Variants in PIH1D1 observed in about 807,000 individuals in gnomAD.
PIH1D1 encodes the protein PIH1 domain-containing protein 1.
In PIH1D1, 28 loss-of-function variants were observed where a neutral mutation model predicts 38.5. The observed-to-expected ratio is 0.73, with a 90% CI of 0.54 to 1.00. The LOEUF is 1.00. Ranked by LOEUF, PIH1D1 falls within the 50% of genes least tolerant of loss-of-function variation. The pLI, the probability that PIH1D1 is intolerant of heterozygous loss-of-function variation, is 0.00. For missense variants in PIH1D1, 343 were observed against 369.9 expected, an observed-to-expected ratio of 0.93 and a Z score of 0.60; for synonymous variants, 155 against 153.5, an observed-to-expected ratio of 1.01 and a Z score of -0.07.
chr19:49,448,110 G>T, intron 3 of PIH1D1, 48 bp from the exon 4 acceptor site: 1 of 1,577,920 alleles, frequency 6.3e-7, no homozygotes, highest in Non-Finnish European at 8.7e-7. Context: ...TCTGCAGGAA[G>T]CCCACAGCCC....
intron 7 of PIH1D1, 27 bp downstream of exon 7, chr19:49,446,997 T>C: frequency 1.3e-6 from 2 of 1,575,822 alleles, no homozygotes; most frequent in East Asian, 2.2e-5. Flanking sequence ...CTCATTCCCC[T>C]GCTCTGGTCC....
At chr19:49,447,562 G>T (rs2079032038) in intron 5 of PIH1D1, 95 bp from the exon 6 acceptor site, 12 of 1,463,816 alleles carry the variant, frequency 8.2e-6, no homozygotes, top group South Asian at 7.2e-5. Context: ...GGCTCACCAG[G>T]ACTCTTGGGG....
Position 49,451,596 on chromosome 19 carries a change from G to T in PIH1D1, c.-22C>A. On this transcript the variant is annotated 5_prime_UTR_variant, in exon 1 of 9. Transcript: ENST00000262265. ...CCATGGCCCTGGGAAAGAGATCTAG[G>T]CGTCCTCGAGACCCTCAACGTGGGA... 1 of 1,611,092 alleles carries T rather than the reference G, an allele frequency of 6.2e-7. No individual in the cohort carries two copies. Among genetic ancestry groups the T allele is most frequent in the Non-Finnish European group, 8.5e-7 (1 of 1,179,684 alleles).
rs374017059 is a variant in PIH1D1, at chr19:49,449,565, C to G, written c.247G>C (p.Glu83Gln). 1.2e-6 allele frequency: 2 copies of G among 1,614,042 alleles called. No homozygotes were observed. Among genetic ancestry groups the G allele is most frequent in the African/African-American group, 1.3e-5 (1 of 74,922 alleles). Residue 83 changes from glutamate (E) to glutamine (Q), a missense_variant, in exon 3 of 9, where the codon GAG becomes CAG. Glu to Gln is a conservative substitution (Grantham distance 29). Coordinates refer to ENST00000262265, the MANE Select transcript of PIH1D1 (RefSeq NM_017916.3). ...TCTAGCATCTGAAGCAGCTCCTCCT[C>G]GGTCACGTCGGCGGGAGGAGGGATA... is the stretch of plus-strand genomic sequence containing the variant. ...PSIPPPADVT[E>Q]EELLQMLEED...
In PIH1D1 at chr19:49,451,517, C is replaced by T. The variant is rs778777015; in HGVS notation, c.58G>A (p.Asp20Asn). 1 of 1,613,892 alleles carries T rather than the reference C, an allele frequency of 6.2e-7. No homozygotes were observed. Among genetic ancestry groups the T allele is most frequent in the Admixed American group, 1.7e-5 (1 of 59,994 alleles). Residue 20 changes from aspartate to asparagine, a missense_variant, in exon 1 of 9, where the codon GAT (aspartate) becomes AAT (asparagine). Transcript: ENST00000262265. ...AGCAGCTCCTCAAATCGCGCCGAAT[C>T]AGCACCGATCGCCTCCGCCTCGCTT... ...GLSEAEAIGA[D>N]SARFEELLLQ...
chr19:49,451,196 A>AT (rs2079057436), intron 1 of PIH1D1, among the ~76,000 whole-genome samples: 1 of 151,122 alleles, frequency 6.6e-6, no homozygotes, highest in South Asian at 2.1e-4. Flanking sequence ...CGCCCGGCTA[A>AT]TTTTTTGTAT....
intron 3 of PIH1D1, chr19:49,449,153 A>G (rs915257535): frequency 2.8e-5 from 12 of 435,182 alleles, no homozygotes; most frequent in Admixed American, 6.9e-5. Flanking sequence ...AAGAAAAAAA[A>G]AAAGAAAGAA....
At position 49,446,680 on chromosome 19, in the gene PIH1D1, C is replaced by G. The variant is rs374090811; in HGVS notation, c.702G>C (p.Gly234=). 2.5e-6 allele frequency: 4 copies of G among 1,571,562 alleles called. No homozygotes were observed. In the African/African-American group the frequency reaches 5.4e-5, roughly 21 times the overall value. Reference sequence around the variant, plus strand: ...GGTTCTCCCCGATCTCCAGCGACAGCCCCAGGGCTCCATCCTGGAGAGGTG... The same window carrying G: ...GGTTCTCCCCGATCTCCAGCGACAGGCCCAGGGCTCCATCCTGGAGAGGTG... ...VDLPKLDGAL[G]LSLEIGENRL... The change falls in exon 8 of 9, where the codon GGG becomes GGC. Residue 234 remains glycine (G), a synonymous_variant. Coordinates refer to ENST00000262265, the MANE Select transcript of PIH1D1 (RefSeq NM_017916.3).
At chr19:49,449,017 C>A (rs2079041727) in intron 3 of PIH1D1, 1 of 323,952 alleles carries the variant, frequency 3.1e-6, no homozygotes, top group South Asian at 2.6e-5. Context: ...CGTGGCGAAA[C>A]CCCGTCTCTA....
rs1442539220 is a variant in PIH1D1 at position 49,449,469 on chromosome 19, A to G, written c.337+6T>C. The G allele has an allele frequency of 6.2e-7, 1 of 1,613,910 alleles. No homozygotes were observed. The highest frequency in any genetic ancestry group is 1.3e-5 in the African/African-American group (1 of 74,920). ...CCAGACTCCTGGGTCCTCTGAGGGC[A>G]CTGACTTGCATCCAGTTCTGCATGA... On this transcript the variant is annotated splice_donor_region_variant and intron_variant, in intron 3 of 8. Coordinates refer to ENST00000262265, the MANE Select transcript of PIH1D1 (RefSeq NM_017916.3).
intron 3 of PIH1D1, chr19:49,449,211 G>A (rs1216302313): frequency 1.6e-5 from 10 of 623,616 alleles, no homozygotes; most frequent in Middle Eastern, 2.6e-4. Flanking sequence ...CAGGAGATCC[G>A]CTAATGCACG....
chr19:49,451,375 C>T, intron 1 of PIH1D1, 110 bp downstream of exon 1: 1 of 1,493,038 alleles, frequency 6.7e-7, no homozygotes, highest in Non-Finnish European at 9.2e-7. Flanking sequence ...AACCTCAATT[C>T]CCCGAGGCCT....
intron 3 of PIH1D1, chr19:49,449,245 C>T (rs1049302349): frequency 8.9e-6 from 6 of 675,112 alleles, no homozygotes; most frequent in South Asian, 3.0e-5. Flanking sequence ...CCAGGCCTCC[C>T]GGCCCTGGAG....
intron 5 of PIH1D1, 170 bp from the exon 6 acceptor site, chr19:49,447,637 A>C (rs537742635): frequency 3.8e-5 from 35 of 919,680 alleles, no homozygotes; most frequent in African/African-American, 2.8e-4. Context: ...CCCTCCCATG[A>C]TATGCCCCAA....
intron 3 of PIH1D1, 28 bp downstream of exon 3, chr19:49,449,447 G>T: frequency 6.2e-7 from 1 of 1,611,468 alleles, no homozygotes; most frequent in South Asian, 1.1e-5. Flanking sequence ...TAGCGGGCCA[G>T]ACTCCTGGGT....
At chr19:49,446,844 C>A (rs974161574) in intron 7 of PIH1D1, 150 bp from the exon 8 acceptor site, 1 of 1,113,908 alleles carries the variant, frequency 9.0e-7, no homozygotes, top group Non-Finnish European at 1.3e-6. Context: ...TCTCAACGAC[C>A]GAGCACTTAC....
Position 49,449,539 on chromosome 19 carries a change from C to G in PIH1D1, c.273G>C (p.Glu91Asp), listed in dbSNP as rs1421452139. ...VTEEELLQML[E>D]EDQAGFRIPM... ...GGATGCGAAACCCAGCTTGGTCCTC[C>G]TCTAGCATCTGAAGCAGCTCCTCCT... is the stretch of plus-strand genomic sequence containing the variant. Residue 91 changes from glutamate (E) to aspartate (D), a missense_variant, in exon 3 of 9, where the codon GAG (glutamate) becomes GAC (aspartate). Glu to Asp is a conservative substitution (Grantham distance 45). Coordinates refer to ENST00000262265, the MANE Select transcript of PIH1D1 (RefSeq NM_017916.3). The G allele has an allele frequency of 6.2e-7, 1 of 1,614,188 alleles. No individual in the cohort carries two copies. The highest frequency in any genetic ancestry group is 8.5e-7 in the Non-Finnish European group (1 of 1,180,038).
intron 2 of PIH1D1, 89 bp downstream of exon 2, chr19:49,450,692 TA>T: frequency 9.3e-6 from 1 of 107,078 alleles, no homozygotes. Context: ...ACCCCCACCC[TA>T]GGCCTTTATT....
chr19:49,450,584 T>C (rs1220131278), intron 2 of PIH1D1, among the ~76,000 whole-genome samples, 198 bp downstream of exon 2: 5 of 151,946 alleles, frequency 3.3e-5, no homozygotes, highest in Non-Finnish European at 7.4e-5. Flanking sequence ...GCACCTGGCC[T>C]CTTCCTATCT....
Sources: gnomAD v4.1 joint callset for allele counts (sites outside exome capture counted in the v4.1 genomes callset) on GRCh38, gnomAD v4.1.1 for gene constraint, MANE v1.5 for transcripts, NCBI Gene and HGNC (gene_info 2026-07-23, HGNC 2026-07-21) for gene names.